The following KLRG1 variants were observed in gnomAD, a reference collection of about 807,000 sequenced individuals.
KLRG1 encodes killer cell lectin like receptor G1.
KLRG1 carries 16 observed loss-of-function variants against 21.8 expected under a neutral mutation model. The observed-to-expected ratio is 0.73, with a 90% CI of 0.50 to 1.11. The LOEUF (loss-of-function observed/expected upper bound fraction) is 1.11, where lower values mean the gene tolerates loss of function less well. KLRG1 is among the 50% of genes most tolerant of loss of function. KLRG1 has a pLI of 0.00. For missense variants in KLRG1, 173 were observed against 218.3 expected (o/e 0.79, Z 1.31); for synonymous variants, 69 against 75.9 (o/e 0.91, Z 0.47).
chr12:9,048,865 G>A, the KLRG1 span, among the ~76,000 whole-genome samples: 2 of 150,072 alleles, frequency 1.3e-5, no homozygotes, highest in African/African-American at 2.5e-5. Context: ...AAAATGAAAG[G>A]TATACAGACT....
At chr12:9,115,160 T>C in the KLRG1 span, 1 of 152,410 alleles carries the variant, frequency 6.6e-6, no homozygotes, top group African/African-American at 2.4e-5. Context: ...AAAAATCACC[T>C]AGTACTCTAT....
the KLRG1 span, chr12:9,099,332 G>A: frequency 4.0e-6 from 6 of 1,511,708 alleles, no homozygotes; most frequent in East Asian, 1.5e-4. Context: ...GATAACAATA[G>A]TAACTTCTAG....
At chr12:8,973,330 G>C (rs1458159419) in intron 1 of KLRG1, among the ~76,000 whole-genome samples, 1 of 152,130 alleles carries the variant, frequency 6.6e-6, no homozygotes, top group Non-Finnish European at 1.5e-5. Context: ...GGACCTTTAG[G>C]AGGTGAATGT....
At chr12:9,196,926 T>A in the KLRG1 span, 3 of 1,089,888 alleles carry the variant, frequency 2.8e-6, no homozygotes, top group South Asian at 4.3e-5. Flanking sequence ...GACAAGCTTG[T>A]CCTGATGCCC....
chr12:9,175,067 C>A, the KLRG1 span, among the ~76,000 whole-genome samples: 74 of 152,292 alleles, frequency 4.9e-4, no homozygotes, highest in African/African-American at 1.8e-3. Flanking sequence ...AACTTTACTA[C>A]AAGGTTACAG....
the KLRG1 span, chr12:9,091,438 G>A: frequency 3.7e-6 from 6 of 1,613,606 alleles, no homozygotes; most frequent in Non-Finnish European, 5.1e-6. Flanking sequence ...AGCTGGAGAG[G>A]AGTGTAAGTG....
the KLRG1 span, among the ~76,000 whole-genome samples, chr12:9,021,168 A>G: frequency 2.0e-5 from 3 of 152,164 alleles, no homozygotes; most frequent in Non-Finnish European, 2.9e-5. Context: ...AAGATAAAAA[A>G]CGGTACACCG....
the KLRG1 span, chr12:9,068,053 T>C: frequency 8.7e-7 from 1 of 1,149,610 alleles, no homozygotes; most frequent in Non-Finnish European, 1.3e-6. Flanking sequence ...TGTGTTTTTC[T>C]ATAATAATGT....
At chr12:9,104,291 A>G in the KLRG1 span, 1 of 1,613,436 alleles carries the variant, frequency 6.2e-7, no homozygotes, top group Non-Finnish European at 8.5e-7. Context: ...AGAGAACTGT[A>G]CAAGGCCATG....
the KLRG1 span, chr12:9,169,503 G>A: frequency 6.2e-7 from 1 of 1,612,732 alleles, no homozygotes; most frequent in Non-Finnish European, 8.5e-7. Context: ...AATGAAGAAA[G>A]GACGGGGACA....
chr12:9,053,113 T>C, the KLRG1 span, among the ~76,000 whole-genome samples: 1 of 152,158 alleles, frequency 6.6e-6, no homozygotes, highest in Non-Finnish European at 1.5e-5. Context: ...CACTTCGGGT[T>C]CCTTGCAAAT....
chr12:9,154,368 G>A, the KLRG1 span, among the ~76,000 whole-genome samples: 3 of 152,174 alleles, frequency 2.0e-5, no homozygotes, highest in African/African-American at 7.2e-5. Context: ...TGACCATAGC[G>A]TGGCTTTAGA....
chr12:9,104,523 A>G, the KLRG1 span: 1 of 1,011,340 alleles, frequency 9.9e-7, no homozygotes. Flanking sequence ...CTGAGGACAC[A>G]GCAGTGAAAA....
the KLRG1 span, among the ~76,000 whole-genome samples, chr12:9,057,264 A>G: frequency 1.3e-5 from 2 of 152,212 alleles, no homozygotes; most frequent in Non-Finnish European, 2.9e-5. Flanking sequence ...CAGAAACAGG[A>G]GGTCAAATAC....
At chr12:9,193,922 G>A in the KLRG1 span, among the ~76,000 whole-genome samples, 1 of 152,072 alleles carries the variant, frequency 6.6e-6, no homozygotes, top group African/African-American at 2.4e-5. Context: ...TGCCTTTATT[G>A]TTTTTCATGA....
the KLRG1 span, chr12:9,090,612 T>C: frequency 1.1e-6 from 1 of 904,550 alleles, no homozygotes; most frequent in Admixed American, 2.7e-5. Flanking sequence ...TAAATGAAGA[T>C]CAAGTACCTG....
At chr12:9,173,445 CT>C in the KLRG1 span, among the ~76,000 whole-genome samples, 1 of 151,932 alleles carries the variant, frequency 6.6e-6, no homozygotes, top group Non-Finnish European at 1.5e-5. Flanking sequence ...AACCCCAAAG[CT>C]AGCAGAAGAC....
chr12:9,130,115 A>G, the KLRG1 span, among the ~76,000 whole-genome samples: 1 of 152,196 alleles, frequency 6.6e-6, no homozygotes, highest in African/African-American at 2.4e-5. Context: ...AAATTTCTTC[A>G]AAGTTCATCC....
chr12:9,076,935 T>G, the KLRG1 span: 1 of 1,581,612 alleles, frequency 6.3e-7, no homozygotes, highest in South Asian at 1.2e-5. Context: ...GACAACAGGG[T>G]GCTGTGAAGG....
Sources: allele counts gnomAD v4.1 joint callset (sites outside exome capture counted in the v4.1 genomes callset), GRCh38; gene constraint gnomAD v4.1.1; transcripts MANE v1.5; gene names NCBI Gene and HGNC (gene_info 2026-07-23, HGNC 2026-07-21).